The following RTN1 variants were observed in gnomAD, a reference collection of about 807,000 sequenced individuals.
RTN1 encodes the protein reticulon-1.
RTN1 carries 25 observed loss-of-function variants against 65.5 expected under a neutral mutation model. The observed-to-expected ratio is 0.38, with a 90% CI of 0.28 to 0.53. The LOEUF is 0.53. Ranked by LOEUF, RTN1 falls within the 20% of genes least tolerant of loss-of-function variation. The pLI is 0.79. For missense variants in RTN1, 983 were observed against 1,025.4 expected (o/e 0.96, Z 0.57); for synonymous variants, 471 against 447.6 (o/e 1.05, Z -0.66).
chr14:59,628,164 G>A (rs199737632), intron 3 of RTN1, among the ~76,000 whole-genome samples: 6 of 152,090 alleles, frequency 3.9e-5, no homozygotes, highest in East Asian at 1.9e-4. Flanking sequence ...GTGAGACAAC[G>A]TCTCTACAAA....
At chr14:59,697,012 T>G (rs1884077821) in intron 3 of RTN1, among the ~76,000 whole-genome samples, 2 of 152,206 alleles carry the variant, frequency 1.3e-5, no homozygotes, top group Admixed American at 6.5e-5. Context: ...TTATTTTTGA[T>G]TGGCTTATGT....
At chr14:59,625,342 T>C (rs1193080535) in intron 3 of RTN1, among the ~76,000 whole-genome samples, 2 of 152,206 alleles carry the variant, frequency 1.3e-5, no homozygotes, top group Non-Finnish European at 2.9e-5. Flanking sequence ...TTAAAAAAAA[T>C]GTTGGACACT....
chr14:59,609,146 A>C (rs1881863535), intron 3 of RTN1, among the ~76,000 whole-genome samples: 2 of 151,380 alleles, frequency 1.3e-5, no homozygotes. Flanking sequence ...GTAGCTGGGC[A>C]TGGTGGCAGG....
chr14:59,771,660 T>G (rs967527577), intron 1 of RTN1, among the ~76,000 whole-genome samples: 2 of 152,202 alleles, frequency 1.3e-5, no homozygotes, highest in Admixed American at 6.5e-5. Context: ...AAAGATATTC[T>G]TTCACCGAGG....
At chr14:59,745,590 A>T in intron 2 of RTN1, 118 bp downstream of exon 2, 1 of 790,754 alleles carries the variant, frequency 1.3e-6, no homozygotes, top group Non-Finnish European at 1.9e-6. Flanking sequence ...AATGAAATTT[A>T]AGGGGTCCAG....
At position 59,726,949 on chromosome 14, in the gene RTN1, G is replaced by A; in HGVS notation, c.1735C>T (p.Pro579Ser). Residue 579 changes from proline (P) to serine (S), a missense_variant, in exon 3 of 9, where the codon CCC becomes TCC. This residue lies in a region of RTN1 where 818 missense variants were observed against 801.8 expected (regional missense o/e 1.02). Transcript: ENST00000267484. Reference protein sequence around the residue: ...GPGPLGPGAPPPLLFLNKQKA... With the variant: ...GPGPLGPGAPSPLLFLNKQKA... ...TGCTTATTGAGAAACAGCAGTGGGGGCGGGGCGCCAGGACCTAGAGGCCCA... is the reference window on the plus strand; with the variant it reads ...TGCTTATTGAGAAACAGCAGTGGGGACGGGGCGCCAGGACCTAGAGGCCCA... 1 of 1,613,190 alleles carries A rather than the reference G, an allele frequency of 6.2e-7. No individual in the cohort carries two copies. Among genetic ancestry groups the A allele is most frequent in the Non-Finnish European group, 8.5e-7 (1 of 1,179,656 alleles).
intron 3 of RTN1, among the ~76,000 whole-genome samples, chr14:59,678,341 A>C (rs769870924): frequency 9.2e-5 from 14 of 152,252 alleles, no homozygotes; most frequent in Admixed American, 7.8e-4. Context: ...GCAAGAAAGA[A>C]GCCATCAATG....
At chr14:59,709,012 AG>A (rs970678448) in intron 3 of RTN1, among the ~76,000 whole-genome samples, 1 of 152,224 alleles carries the variant, frequency 6.6e-6, no homozygotes, top group Non-Finnish European at 1.5e-5. Context: ...AACCAACTGA[AG>A]GGGGAAAAAC....
At chr14:59,764,533 G>A (rs1293011867) in intron 1 of RTN1, among the ~76,000 whole-genome samples, 1 of 151,982 alleles carries the variant, frequency 6.6e-6, no homozygotes, top group Admixed American at 6.5e-5. Context: ...TGTTGGCCAG[G>A]GTGGTCTCGA....
chr14:59,644,783 G>GTTTCACAGCC (rs1301435955), intron 3 of RTN1, among the ~76,000 whole-genome samples: 3 of 152,018 alleles, frequency 2.0e-5, no homozygotes, highest in Non-Finnish European at 4.4e-5. Flanking sequence ...AGCCTTGGCT[G>GTTTCACAGCC]TCGTTGCCTT....
intron 3 of RTN1, among the ~76,000 whole-genome samples, chr14:59,624,197 A>T (rs180973582): frequency 2.0e-4 from 30 of 152,330 alleles, no homozygotes; most frequent in Non-Finnish European, 2.6e-4. Flanking sequence ...CTCAGCTTGA[A>T]CTTAAAGATA....
At chr14:59,865,297 A>C (rs191317385) in intron 1 of RTN1, among the ~76,000 whole-genome samples, 62 of 152,272 alleles carry the variant, frequency 4.1e-4, no homozygotes, top group African/African-American at 1.4e-3. Flanking sequence ...TTCTAGCCCT[A>C]GTCTTATTCT....
At chr14:59,669,355 A>G (rs1463159205) in intron 3 of RTN1, among the ~76,000 whole-genome samples, 1 of 152,152 alleles carries the variant, frequency 6.6e-6, no homozygotes, top group Admixed American at 6.5e-5. Flanking sequence ...TATCACAAGG[A>G]CAGAAAATCA....
rs879780498 is a variant in RTN1, at chr14:59,645,393, A to ACATGT, written c.1766-37902_1766-37901insACATG. The stretch of plus-strand genomic sequence containing the variant: ...TATATATGTTTGTTACATGTTTTCT[A>ACATGT]TATATTACATGTTTTCTATATGTTA... On this transcript the variant is annotated intron_variant, in intron 3 of 8. Coordinates refer to ENST00000267484, the MANE Select transcript of RTN1 (RefSeq NM_021136.3). 3.4e-4 allele frequency among the ~76,000 whole-genome samples: 52 copies of ACATGT among 150,966 alleles called. 1 individual carries two copies. Among genetic ancestry groups the ACATGT allele is most frequent in the South Asian group, 1.0e-3 (5 of 4,772 alleles).
At chr14:59,707,295 A>G (rs1884316096) in intron 3 of RTN1, among the ~76,000 whole-genome samples, 1 of 152,246 alleles carries the variant, frequency 6.6e-6, no homozygotes, top group South Asian at 2.1e-4. Context: ...TTGCCCTTGT[A>G]GCAACCTTAA....
In RTN1 at chr14:59,727,167, G is replaced by T. The variant is rs1884784666; in HGVS notation, c.1517C>A (p.Ala506Asp). Residue 506 changes from alanine (A) to aspartate (D), a missense_variant, in exon 3 of 9, where the codon GCC becomes GAC. Transcript: ENST00000267484. This position sits in a 1 kb window ranked among gnomAD's most constrained non-coding sequence, Gnocchi z 4.2. Reference protein sequence around the residue: ...DAIREETGVRAEERAPSRRGL... With the variant: ...DAIREETGVRDEERAPSRRGL... Reference sequence around the variant, plus strand: ...CCGCCGGCTTGGCGCACGCTCCTCGGCCCGGACGCCAGTCTCCTCCCGGAT... The same window carrying T: ...CCGCCGGCTTGGCGCACGCTCCTCGTCCCGGACGCCAGTCTCCTCCCGGAT... 1 of 1,591,620 alleles carries T rather than the reference G, an allele frequency of 6.3e-7. No individual in the cohort carries two copies. Among genetic ancestry groups the T allele is most frequent in the Admixed American group, 1.8e-5 (1 of 56,746 alleles).
intron 1 of RTN1, among the ~76,000 whole-genome samples, chr14:59,761,721 A>C (rs1885751640): frequency 6.6e-6 from 1 of 152,220 alleles, no homozygotes; most frequent in African/African-American, 2.4e-5. Flanking sequence ...ATGGCCACAC[A>C]GCACAGGACC....
chr14:59,749,021 T>G (rs548150993), intron 1 of RTN1, among the ~76,000 whole-genome samples: 96 of 149,676 alleles, frequency 6.4e-4, no homozygotes, highest in Non-Finnish European at 1.2e-3. Context: ...ACTCCTGACC[T>G]CAGGTGATCC....
intron 1 of RTN1, among the ~76,000 whole-genome samples, chr14:59,759,571 T>C (rs1885706739): frequency 6.6e-6 from 1 of 152,144 alleles, no homozygotes. Context: ...CAGGCTTTAG[T>C]CCCGGTTTCG....
Sources: gnomAD v4.1 joint callset for allele counts (sites outside exome capture counted in the v4.1 genomes callset) on GRCh38, gnomAD v4.1.1 for gene constraint, gnomAD v4.1.1 regional missense constraint, Gnocchi (gnomAD v3.1) non-coding constraint, MANE v1.5 for transcripts, NCBI Gene and HGNC (gene_info 2026-07-23, HGNC 2026-07-21) for gene names.